KLRG1: variants seen among roughly 807,000 people sequenced by gnomAD.
KLRG1 encodes the protein killer cell lectin like receptor G1.
Under a neutral mutation model 21.8 loss-of-function variants are expected in KLRG1, and 16 were observed. The ratio of observed to expected loss-of-function variants is 0.73; its 90% CI spans 0.50 to 1.11. The LOEUF (loss-of-function observed/expected upper bound fraction) is 1.11. KLRG1 is among the 50% of genes most tolerant of loss of function. The probability of loss-of-function intolerance (pLI) is 0.00; values close to 1 mark genes in which losing one functional copy is unlikely to be tolerated. For missense variants in KLRG1, 173 were observed against 218.3 expected (o/e 0.79, Z 1.31); for synonymous variants, 69 against 75.9 (o/e 0.91, Z 0.47).
chr12:9,068,582 T>C, the KLRG1 span, among the ~76,000 whole-genome samples: 1 of 152,204 alleles, frequency 6.6e-6, no homozygotes, highest in Admixed American at 6.5e-5. Flanking sequence ...CTATAATGTA[T>C]GTATAAGAGA....
chr12:9,126,159 G>A, the KLRG1 span, among the ~76,000 whole-genome samples: 1 of 152,184 alleles, frequency 6.6e-6, no homozygotes, highest in African/African-American at 2.4e-5. Flanking sequence ...AGGAGCAAAA[G>A]TATGTAGAAA....
Position 9,009,691 on chromosome 12 carries a change from T to C in KLRG1, c.*154T>C. ...AGATGCAAGACAACCTCCTAGGGAT[T>C]GATGCCTAACTGATGGATTCTCTTT... On this transcript the variant is annotated 3_prime_UTR_variant, in exon 5 of 5. Transcript: ENST00000356986. 7.0e-7 allele frequency: 1 copy of C among 1,432,120 alleles called. No homozygotes were observed. Among genetic ancestry groups the C allele is most frequent in the Non-Finnish European group, 9.1e-7 (1 of 1,097,428 alleles). The allele number at this position is 1,432,120 out of a possible 1,614,324, so 88.7% of individuals were successfully genotyped here. A position where few individuals can be genotyped will look rare whatever the true frequency, so the allele number is the denominator to read the frequency against.
the KLRG1 span, chr12:9,182,150 A>ATAAGTGAGACAAAATGGTCG: frequency 1.2e-6 from 2 of 1,606,224 alleles, no homozygotes; most frequent in East Asian, 2.2e-5. Context: ...CAAAATGGTC[A>ATAAGTGAGACAAAATGGTCG]TAAGTGAGAC....
At chr12:9,119,738 A>G in the KLRG1 span, among the ~76,000 whole-genome samples, 8 of 152,196 alleles carry the variant, frequency 5.3e-5, no homozygotes, top group African/African-American at 1.9e-4. Flanking sequence ...AGGTCTCTGA[A>G]GGATGCATGC....
the KLRG1 span, among the ~76,000 whole-genome samples, chr12:9,081,595 A>G: frequency 2.0e-4 from 30 of 152,346 alleles, no homozygotes; most frequent in South Asian, 5.8e-3. Context: ...CTGAGTGAAG[A>G]CAAATTAGAA....
At chr12:9,141,755 C>A in the KLRG1 span, among the ~76,000 whole-genome samples, 2 of 152,156 alleles carry the variant, frequency 1.3e-5, no homozygotes, top group Non-Finnish European at 2.9e-5. Context: ...ACATGTTACA[C>A]TGTTAACTTT....
chr12:9,211,985 T>G, the KLRG1 span, among the ~76,000 whole-genome samples: 1 of 152,134 alleles, frequency 6.6e-6, no homozygotes, highest in African/African-American at 2.4e-5. Context: ...GAGGGTCTAC[T>G]TTAGAGTCCA....
the KLRG1 span, among the ~76,000 whole-genome samples, chr12:9,179,424 T>C: frequency 6.6e-6 from 1 of 152,160 alleles, no homozygotes; most frequent in African/African-American, 2.4e-5. Flanking sequence ...AAATAAATCA[T>C]CACGACATGC....
chr12:9,101,747 A>C, the KLRG1 span: 1 of 1,218,592 alleles, frequency 8.2e-7, no homozygotes, highest in Non-Finnish European at 1.2e-6. Flanking sequence ...AAAACTACGT[A>C]AGTTTACTGT....
chr12:9,121,418 G>A, the KLRG1 span, among the ~76,000 whole-genome samples: 2 of 152,116 alleles, frequency 1.3e-5, no homozygotes, highest in Non-Finnish European at 2.9e-5. This position sits in a 1 kb window ranked among gnomAD's most constrained non-coding sequence, Gnocchi z 4.4. Context: ...GCGTGCGCCT[G>A]TAGTCCCAGC....
chr12:9,024,633 A>G, the KLRG1 span, among the ~76,000 whole-genome samples: 1 of 152,198 alleles, frequency 6.6e-6, no homozygotes, highest in Non-Finnish European at 1.5e-5. Context: ...TGGCCCCACC[A>G]ATGTAAACTC....
chr12:9,102,451 C>T, the KLRG1 span, among the ~76,000 whole-genome samples: 214 of 152,142 alleles, frequency 1.4e-3, 1 homozygote, highest in African/African-American at 4.7e-3. Flanking sequence ...CCTGGCCTCA[C>T]GCAATCCACC....
At chr12:8,956,922 G>A (rs1946304753) in intron 1 of KLRG1, among the ~76,000 whole-genome samples, 1 of 152,182 alleles carries the variant, frequency 6.6e-6, no homozygotes, top group African/African-American at 2.4e-5. Flanking sequence ...AGCATACCTG[G>A]CTTGCCCTTG....
At chr12:9,017,916 T>C in the KLRG1 span, among the ~76,000 whole-genome samples, 2 of 152,236 alleles carry the variant, frequency 1.3e-5, no homozygotes, top group Admixed American at 6.5e-5. Flanking sequence ...TTCAGTGAAG[T>C]TGCAGGATAC....
At chr12:8,988,861 C>T (rs1230526242), upstream of KLRG1, among the ~76,000 whole-genome samples, 1 of 152,154 alleles carries the variant, frequency 6.6e-6, no homozygotes, top group Non-Finnish European at 1.5e-5. Context: ...GGATTACAGG[C>T]GTGAGCCACC....
the KLRG1 span, chr12:9,115,710 G>T: frequency 7.5e-7 from 1 of 1,336,204 alleles, no homozygotes; most frequent in South Asian, 1.2e-5. Context: ...AGAAAAATCT[G>T]CAATAAATGA....
chr12:9,141,242 A>G, the KLRG1 span, among the ~76,000 whole-genome samples: 3 of 152,330 alleles, frequency 2.0e-5, no homozygotes, highest in South Asian at 2.1e-4. Flanking sequence ...TAACATATGT[A>G]TGCAAATATA....
the KLRG1 span, among the ~76,000 whole-genome samples, chr12:9,124,321 C>A: frequency 6.6e-6 from 1 of 152,140 alleles, no homozygotes; most frequent in Admixed American, 6.5e-5. Context: ...GCCAGAGCTC[C>A]CCGGTGCCGC....
chr12:9,169,021 A>G, the KLRG1 span: 1 of 1,337,582 alleles, frequency 7.5e-7, no homozygotes, highest in South Asian at 1.2e-5. Context: ...TGATTAGAAT[A>G]TATAAAACAT....
Sources: allele counts gnomAD v4.1 joint callset (sites outside exome capture counted in the v4.1 genomes callset), GRCh38; gene constraint gnomAD v4.1.1; non-coding constraint Gnocchi (gnomAD v3.1); transcripts MANE v1.5; gene names NCBI Gene and HGNC (gene_info 2026-07-23, HGNC 2026-07-21).